FBN2: variants seen among roughly 807,000 people sequenced by gnomAD.
The protein encoded by FBN2 is fibrillin-2.
Under a neutral mutation model 355.6 loss-of-function variants are expected in FBN2, and 105 were observed. That is an observed-to-expected ratio of 0.30 (90% CI 0.25 to 0.35). The LOEUF (loss-of-function observed/expected upper bound fraction) is 0.35, where lower values mean the gene tolerates loss of function less well. Among genes scored for constraint, FBN2 ranks in the 10% least tolerant of loss-of-function variants. The pLI is 1.00. For synonymous variants in FBN2, 1,350 were observed against 1,301.2 expected (o/e 1.04, Z -0.81); for missense variants, 3,280 against 3,758.7 (o/e 0.87, Z 3.33).
chr5:128,483,160 G>A (rs1360248811), intron 5 of FBN2, among the ~76,000 whole-genome samples: 1 of 152,112 alleles, frequency 6.6e-6, no homozygotes, highest in Non-Finnish European at 1.5e-5. Flanking sequence ...GGGACTAATA[G>A]ATGAGGGAGG....
At chr5:128,511,682 T>C (rs1019956657) in intron 5 of FBN2, among the ~76,000 whole-genome samples, 15 of 152,156 alleles carry the variant, frequency 9.9e-5, no homozygotes, top group African/African-American at 3.6e-4. Context: ...GGAATGGATA[T>C]ATGGCAGGTA....
intron 20 of FBN2, among the ~76,000 whole-genome samples, chr5:128,352,307 T>C (rs1751389830): frequency 6.6e-6 from 1 of 152,202 alleles, no homozygotes; most frequent in South Asian, 2.1e-4. Flanking sequence ...ATGAGGAAGA[T>C]GTAAAAATCA....
chr5:128,294,955 T>A (rs1428283347), intron 48 of FBN2, among the ~76,000 whole-genome samples: 1 of 143,600 alleles, frequency 7.0e-6, no homozygotes, highest in African/African-American at 2.6e-5. Context: ...CTTCTAGGGT[T>A]TTTATGGTTT....
At chr5:128,485,806 G>A (rs1755321886) in intron 5 of FBN2, among the ~76,000 whole-genome samples, 1 of 152,138 alleles carries the variant, frequency 6.6e-6, no homozygotes, top group African/African-American at 2.4e-5. Context: ...TGAAGCAATA[G>A]TTTTCAAAGT....
intron 20 of FBN2, among the ~76,000 whole-genome samples, chr5:128,355,071 A>C (rs1397537964): frequency 6.6e-6 from 1 of 152,204 alleles, no homozygotes; most frequent in Non-Finnish European, 1.5e-5. Context: ...TCAGTAAAGG[A>C]AAGAGAAAAT....
At chr5:128,410,864 G>A (rs970034507) in intron 7 of FBN2, among the ~76,000 whole-genome samples, 1 of 151,978 alleles carries the variant, frequency 6.6e-6, no homozygotes, top group African/African-American at 2.4e-5. Context: ...TACATAAAAG[G>A]CTCTCAGGTT....
chr5:128,370,165 A>T (rs1378787180), intron 15 of FBN2, among the ~76,000 whole-genome samples: 1 of 152,114 alleles, frequency 6.6e-6, no homozygotes, highest in Admixed American at 6.5e-5. Context: ...CTCACTCTTA[A>T]TTCTCATAAA....
intron 5 of FBN2, among the ~76,000 whole-genome samples, chr5:128,474,097 C>T (rs1169317958): frequency 3.9e-5 from 6 of 152,242 alleles, no homozygotes; most frequent in East Asian, 1.9e-4. Context: ...ACGTTTCATA[C>T]GGGTGAAGGC....
At chr5:128,302,201 C>G (rs1749738164) in intron 46 of FBN2, among the ~76,000 whole-genome samples, 1 of 152,136 alleles carries the variant, frequency 6.6e-6, no homozygotes, top group Admixed American at 6.5e-5. Flanking sequence ...GGGATGAGCT[C>G]TGATGTAGTC....
intron 16 of FBN2, among the ~76,000 whole-genome samples, chr5:128,367,063 T>C (rs1227949123): frequency 6.6e-6 from 1 of 152,180 alleles, no homozygotes; most frequent in Non-Finnish European, 1.5e-5. Context: ...ATCACATTTA[T>C]TCAGTCAATC....
rs765749341 is a variant in FBN2, at chr5:128,273,887, T to C, written c.7793A>G (p.Glu2598Gly). ...ATCAAGAGAGAACCCTCTTTGGCAT[T>C]CACAGCTGAAACTGCCTGGAGTGTT... ...CQNTPGSFSCECQRGFSLDAT... is the reference protein window; with the variant it reads ...CQNTPGSFSCGCQRGFSLDAT... Residue 2598 changes from glutamate to glycine, a missense_variant, in exon 61 of 65, where the codon GAA becomes GGA. Glu to Gly is a moderately conservative substitution (Grantham distance 98). This residue lies in a region of FBN2 where 2,284 missense variants were observed against 2,749.5 expected (regional missense o/e 0.83). Coordinates refer to ENST00000262464, the MANE Select transcript of FBN2 (RefSeq NM_001999.4). 1 of 1,614,022 alleles carries C rather than the reference T, an allele frequency of 6.2e-7. No individual in the cohort carries two copies.
chr5:128,510,927 T>G (rs1756111324), intron 5 of FBN2, among the ~76,000 whole-genome samples: 1 of 152,186 alleles, frequency 6.6e-6, no homozygotes, highest in Non-Finnish European at 1.5e-5. Context: ...CAATCCTACT[T>G]TCTTATTAGC....
chr5:128,360,394 C>G (rs983862230), intron 19 of FBN2, among the ~76,000 whole-genome samples: 1 of 152,076 alleles, frequency 6.6e-6, no homozygotes, highest in African/African-American at 2.4e-5. Context: ...ATTTCAAACT[C>G]TTAAGTGTGT....
rs571337177 is a variant in FBN2, at chr5:128,537,750, G to A, written c.-147C>T. 1.7e-4 allele frequency: 131 copies of A among 792,210 alleles called. 1 individual carries two copies. In the South Asian group the frequency reaches 1.9e-3, roughly 11 times the overall value. The allele number at this position is 792,210 out of a possible 1,614,324, so 49.1% of individuals were successfully genotyped here. ...CGGGCTCGGGCTCCCTGCTCTAGCT[G>A]GAGACCTCGACAGAGCGCCGGCCCC... On this transcript the variant is annotated 5_prime_UTR_variant, in exon 1 of 65. Transcript: ENST00000262464.
chr5:128,323,190 AT>A (rs1225237209), intron 34 of FBN2, among the ~76,000 whole-genome samples: 12 of 152,200 alleles, frequency 7.9e-5, no homozygotes, highest in Admixed American at 5.2e-4. Context: ...ATATACAATC[AT>A]GTCATCTGCA....
chr5:128,292,467 C>T (rs906611980), intron 48 of FBN2, among the ~76,000 whole-genome samples: 3 of 152,286 alleles, frequency 2.0e-5, no homozygotes, highest in South Asian at 2.1e-4. Context: ...CTGTCTGGCT[C>T]GCTGTTGCAC....
chr5:128,264,796 T>C (rs908490175), intron 62 of FBN2, among the ~76,000 whole-genome samples: 2 of 152,142 alleles, frequency 1.3e-5, no homozygotes, highest in African/African-American at 2.4e-5. Flanking sequence ...ACAGAGGACA[T>C]AGTACCTAGT....
At chr5:128,297,738 G>A (rs973167232) in intron 48 of FBN2, among the ~76,000 whole-genome samples, 8 of 152,070 alleles carry the variant, frequency 5.3e-5, no homozygotes, top group East Asian at 1.9e-4. Flanking sequence ...GTCTCTGCCC[G>A]TGAGATGGGT....
chr5:128,488,561 T>C (rs548500802), intron 5 of FBN2, among the ~76,000 whole-genome samples: 2 of 152,234 alleles, frequency 1.3e-5, no homozygotes, highest in African/African-American at 4.8e-5. Flanking sequence ...GCAGCTTAGT[T>C]ACATATGCAT....
Sources: allele counts gnomAD v4.1 joint callset (sites outside exome capture counted in the v4.1 genomes callset), GRCh38; gene constraint gnomAD v4.1.1; regional missense constraint gnomAD v4.1.1; transcripts MANE v1.5; gene names NCBI Gene and HGNC (gene_info 2026-07-23, HGNC 2026-07-21).